Variants in TRIM9 observed in about 807,000 individuals in gnomAD.
TRIM9 encodes E3 ubiquitin-protein ligase TRIM9.
TRIM9 carries 26 observed loss-of-function variants against 78.3 expected under a neutral mutation model. The observed-to-expected ratio is 0.33, with a 90% CI of 0.24 to 0.46. The LOEUF (loss-of-function observed/expected upper bound fraction) is 0.46. Among genes scored for constraint, TRIM9 ranks in the 20% least tolerant of loss-of-function variants. The pLI, the probability that TRIM9 is intolerant of heterozygous loss-of-function variation, is 1.00. For missense variants in TRIM9, 787 were observed against 1,036.4 expected (o/e 0.76, Z 3.30); for synonymous variants, 398 against 416.5 (o/e 0.96, Z 0.54).
intron 1 of TRIM9, among the ~76,000 whole-genome samples, chr14:51,028,217 C>T (rs372889784): frequency 7.3e-5 from 11 of 151,442 alleles, no homozygotes; most frequent in African/African-American, 2.7e-4. Context: ...CCCAAGAATG[C>T]CTTCTACCTG....
intron 1 of TRIM9, among the ~76,000 whole-genome samples, chr14:51,085,508 A>C (rs1261533677): frequency 1.3e-5 from 2 of 152,224 alleles, no homozygotes; most frequent in East Asian, 3.8e-4. Context: ...ATTCCTTTTT[A>C]TATGGTGAAA....
At chr14:51,051,837 T>A (rs1340045587) in intron 1 of TRIM9, among the ~76,000 whole-genome samples, 2 of 152,024 alleles carry the variant, frequency 1.3e-5, no homozygotes, top group Non-Finnish European at 2.9e-5. Flanking sequence ...CATGGTGGCA[T>A]GTGCCTGTGA....
chr14:51,054,141 G>A (rs918234273), intron 1 of TRIM9, among the ~76,000 whole-genome samples: 2 of 152,192 alleles, frequency 1.3e-5, no homozygotes, highest in Non-Finnish European at 2.9e-5. Context: ...TCATCAGGCT[G>A]GCCTGGAGCT....
intron 1 of TRIM9, among the ~76,000 whole-genome samples, chr14:51,055,453 G>A (rs1363279120): frequency 6.6e-6 from 1 of 152,240 alleles, no homozygotes; most frequent in African/African-American, 2.4e-5. Flanking sequence ...TGGAATTAAG[G>A]TTGCTAACCA....
Position 50,977,082 on chromosome 14 carries a change from A to T in TRIM9, c.*209T>A. The T allele has an allele frequency of 7.9e-6, 3 of 377,552 alleles. No homozygotes were observed. The highest frequency in any genetic ancestry group is 7.6e-5 in the East Asian group (2 of 26,310). The allele number at this position is 377,552 out of a possible 1,614,324, so 23.4% of individuals were successfully genotyped here. On this transcript the variant is annotated 3_prime_UTR_variant, in exon 13 of 13. Transcript: ENST00000684578. ...CCTTTGTTGGTTAGAATTGTTGGAC[A>T]TGGAAGCGGAAGCAGGCATGACAGC...
chr14:51,025,204 T>G (rs950028865), intron 2 of TRIM9, 61 bp downstream of exon 2: 135 of 1,420,918 alleles, frequency 9.5e-5, no homozygotes, highest in Admixed American at 1.5e-4. Flanking sequence ...AAGGAAACTC[T>G]CCCGCCACAC....
chr14:51,036,225 C>T (rs918187537), intron 1 of TRIM9, among the ~76,000 whole-genome samples: 1 of 152,178 alleles, frequency 6.6e-6, no homozygotes, highest in East Asian at 1.9e-4. Flanking sequence ...ATATTAGCAA[C>T]GTCATGTTGG....
intron 1 of TRIM9, among the ~76,000 whole-genome samples, chr14:51,057,555 T>G (rs984559415): frequency 3.3e-5 from 5 of 152,196 alleles, no homozygotes; most frequent in Admixed American, 3.3e-4. Context: ...CATTCAGCAA[T>G]TTTCTAAAAA....
At chr14:51,013,717 A>AACC (rs1287785403) in intron 3 of TRIM9, among the ~76,000 whole-genome samples, 1 of 152,182 alleles carries the variant, frequency 6.6e-6, no homozygotes, top group Non-Finnish European at 1.5e-5. Context: ...TATGCCTGAC[A>AACC]ACCACCACCA....
At chr14:51,013,226 A>AT (rs72053355) in intron 3 of TRIM9, among the ~76,000 whole-genome samples, 19,902 of 139,902 alleles carry the variant, frequency 0.14, 1,450 homozygotes, top group Middle Eastern at 0.16. Flanking sequence ...GTCTAACTTC[A>AT]TTTTTTTTTT....
chr14:51,048,188 G>C (rs922596757), intron 1 of TRIM9, among the ~76,000 whole-genome samples: 44 of 152,318 alleles, frequency 2.9e-4, no homozygotes, highest in African/African-American at 1.0e-3. Context: ...GGGTTAAACA[G>C]TTTCCTAAAA....
intron 1 of TRIM9, among the ~76,000 whole-genome samples, chr14:51,056,012 A>C (rs2060870972): frequency 6.6e-6 from 1 of 152,252 alleles, no homozygotes; most frequent in African/African-American, 2.4e-5. Context: ...CGGAATGTAT[A>C]AATTCAGATA....
chr14:51,094,006 CTGCAT>C, intron 1 of TRIM9, 107 bp downstream of exon 1: 3 of 1,089,916 alleles, frequency 2.8e-6, no homozygotes, highest in Non-Finnish European at 2.7e-6. Flanking sequence ...TCGAAGGCAC[CTGCAT>C]TGCGCCCCCA....
At chr14:50,997,390 A>T in intron 7 of TRIM9, 1 of 985,376 alleles carries the variant, frequency 1.0e-6, no homozygotes, top group Non-Finnish European at 1.2e-6. Context: ...GACTGAAGGG[A>T]CTGGCAAAGA....
chr14:51,028,205 G>A (rs776216649), intron 1 of TRIM9, among the ~76,000 whole-genome samples: 23 of 152,122 alleles, frequency 1.5e-4, no homozygotes, highest in Non-Finnish European at 2.8e-4. Context: ...TTTATGGTCC[G>A]TCCCAAGAAT....
At chr14:51,073,783 C>T (rs1268114155) in intron 1 of TRIM9, among the ~76,000 whole-genome samples, 2 of 152,210 alleles carry the variant, frequency 1.3e-5, no homozygotes, top group Non-Finnish European at 2.9e-5. Context: ...GATTTCTTCA[C>T]TAAAAATTTC....
At chr14:51,004,048 T>C (rs937630069) in intron 5 of TRIM9, among the ~76,000 whole-genome samples, 1 of 152,260 alleles carries the variant, frequency 6.6e-6, no homozygotes, top group African/African-American at 2.4e-5. Flanking sequence ...AAGGATAGCA[T>C]TACAGTTTCT....
In TRIM9 at chr14:51,094,761, T is replaced by C. The variant is rs761715812; in HGVS notation, c.179A>G (p.Tyr60Cys). Residue 60 changes from tyrosine (Y) to cysteine (C), a missense_variant, in exon 1 of 13, where the codon TAT (tyrosine) becomes TGT (cysteine). Physicochemically the swap from Tyr to Cys is radical, Grantham distance 194. This residue lies in a region of TRIM9 where 352 missense variants were observed against 472.3 expected (regional missense o/e 0.75). Transcript: ENST00000684578. ...HRAAGSGVSDYDYLDLDKMSL... is the reference protein window; with the variant it reads ...HRAAGSGVSDCDYLDLDKMSL... ...CATCTTGTCCAGGTCCAGATAGTCA[T>C]AGTCGGAGACCCCGGAGCCCGCGGC... The C allele has an allele frequency of 2.0e-6, 3 of 1,529,786 alleles. No individual in the cohort carries two copies. Among genetic ancestry groups the C allele is most frequent in the African/African-American group, 1.4e-5 (1 of 72,122 alleles). 94.8% of individuals were successfully genotyped at this position (1,529,786 alleles called of 1,614,324 possible). A position where few individuals can be genotyped will look rare whatever the true frequency, so the allele number is the denominator to read the frequency against.
intron 3 of TRIM9, among the ~76,000 whole-genome samples, chr14:51,019,617 C>T (rs1407027562): frequency 6.6e-6 from 1 of 152,186 alleles, no homozygotes; most frequent in East Asian, 1.9e-4. Flanking sequence ...AAACAAGCCC[C>T]TGGAAACTCT....
Sources: allele counts gnomAD v4.1 joint callset (sites outside exome capture counted in the v4.1 genomes callset), GRCh38; gene constraint gnomAD v4.1.1; regional missense constraint gnomAD v4.1.1; transcripts MANE v1.5; gene names NCBI Gene and HGNC (gene_info 2026-07-23, HGNC 2026-07-21).